The following TACC2 variants were observed in gnomAD, a reference collection of about 807,000 sequenced individuals.
TACC2 encodes transforming acidic coiled-coil-containing protein 2.
A neutral mutation model predicts 227.3 loss-of-function variants in TACC2; 137 were observed. That is an observed-to-expected ratio of 0.60 (90% confidence interval 0.52 to 0.69). The LOEUF is 0.69. Among genes scored for constraint, TACC2 ranks in the 30% least tolerant of loss-of-function variants. The pLI is 0.00. For missense variants in TACC2, 3,470 were observed against 3,694.4 expected (o/e 0.94, Z 1.57); for synonymous variants, 1,523 against 1,487.5 (o/e 1.02, Z -0.55).
At chr10:122,130,923 T>C (rs542707049) in intron 5 of TACC2, among the ~76,000 whole-genome samples, 18 of 152,226 alleles carry the variant, frequency 1.2e-4, no homozygotes, top group Admixed American at 2.6e-4. Flanking sequence ...ACAACCCCCA[T>C]TGTGGGCCAA....
intron 18 of TACC2, 24 bp from the exon 19 acceptor site, chr10:122,241,934 A>G: frequency 6.2e-7 from 1 of 1,612,466 alleles, no homozygotes; most frequent in Non-Finnish European, 8.5e-7. Context: ...TCATGACTCC[A>G]ACGTGTCTTT....
chr10:121,990,671 G>A (rs138016794), intron 1 of TACC2, among the ~76,000 whole-genome samples: 18 of 152,218 alleles, frequency 1.2e-4, no homozygotes, highest in African/African-American at 4.1e-4. Flanking sequence ...CTACCAGGCC[G>A]TCACTGCTTT....
chr10:122,180,593 G>A lies in TACC2; in HGVS notation c.5835-14447G>A, dbSNP rs1361008238. On this transcript the variant is annotated intron_variant, in intron 7 of 22. Transcript: ENST00000369005. The surrounding 1 kb of genome is among the most constrained non-coding windows in gnomAD (Gnocchi z 4.5). ...GACCTTGTGATCCACCTGCCTCGGC[G>A]TCCCGAAGTGCTGGGATTACAGGCA... Among the ~76,000 whole-genome samples, 6 of 151,894 alleles carry A rather than the reference G, an allele frequency of 4.0e-5. No homozygotes were observed. The highest frequency in any genetic ancestry group is 9.7e-5 in the African/African-American group (4 of 41,342).
At chr10:122,167,625 T>G (rs932097325) in intron 7 of TACC2, among the ~76,000 whole-genome samples, 25 of 152,302 alleles carry the variant, frequency 1.6e-4, no homozygotes, top group Non-Finnish European at 3.4e-4. Context: ...GTCCCTTCCC[T>G]TATGTGGTTC....
chr10:122,189,385 C>G (rs925405925), intron 7 of TACC2, among the ~76,000 whole-genome samples: 9 of 152,126 alleles, frequency 5.9e-5, no homozygotes, highest in Non-Finnish European at 1.2e-4. Flanking sequence ...GTCTCCCTCT[C>G]TCTTCAGGGA....
At chr10:122,222,891 G>A (rs1459409936) in intron 11 of TACC2, among the ~76,000 whole-genome samples, 1 of 152,174 alleles carries the variant, frequency 6.6e-6, no homozygotes, top group Non-Finnish European at 1.5e-5. Context: ...AGAAGAGGCA[G>A]CTGATTCACT....
At chr10:122,132,518 C>T (rs1386210312) in intron 5 of TACC2, 91 bp from the exon 6 acceptor site, 7 of 1,514,968 alleles carry the variant, frequency 4.6e-6, no homozygotes, top group Non-Finnish European at 6.4e-6. Flanking sequence ...CATTGCCCTC[C>T]AGCCTGGATA....
chr10:122,243,007 G>A (rs1340114016), intron 19 of TACC2, among the ~76,000 whole-genome samples: 1 of 152,102 alleles, frequency 6.6e-6, no homozygotes, highest in South Asian at 2.1e-4. Flanking sequence ...GCAGTGGCAC[G>A]ATCTTGGCTC....
chr10:122,163,986 A>C (rs1348152648), intron 7 of TACC2: 1 of 1,583,124 alleles, frequency 6.3e-7, no homozygotes, highest in Non-Finnish European at 8.6e-7. Context: ...GAGGCTTCCG[A>C]GGCAATGTAA....
intron 6 of TACC2, among the ~76,000 whole-genome samples, chr10:122,135,245 C>T (rs540329055): frequency 9.2e-5 from 14 of 152,264 alleles, no homozygotes; most frequent in South Asian, 6.2e-4. Context: ...CTCGAGATAC[C>T]GTGTCCTGGG....
intron 3 of TACC2, among the ~76,000 whole-genome samples, chr10:122,062,025 C>CTTTTTTTTTTTTTTTTT (rs140523380): frequency 1.6e-5 from 1 of 63,968 alleles, no homozygotes; most frequent in African/African-American, 6.3e-5. Context: ...GTCAGAGCGG[C>CTTTTTTTTTTTTTTTTT]TTTTTTTTTT....
chr10:122,232,611 T>A (rs2095779449), intron 16 of TACC2, among the ~76,000 whole-genome samples: 1 of 152,170 alleles, frequency 6.6e-6, no homozygotes, highest in Non-Finnish European at 1.5e-5. Flanking sequence ...ATAGGGAATA[T>A]TTTTCTCTAG....
intron 11 of TACC2, among the ~76,000 whole-genome samples, chr10:122,220,067 C>T (rs2095494480): frequency 6.6e-6 from 1 of 151,434 alleles, no homozygotes; most frequent in African/African-American, 2.4e-5. Flanking sequence ...AAGAAAGAAG[C>T]CAACTTGAGC....
At chr10:122,168,557 G>C (rs1479663759) in intron 7 of TACC2, among the ~76,000 whole-genome samples, 1 of 152,126 alleles carries the variant, frequency 6.6e-6, no homozygotes, top group East Asian at 1.9e-4. Context: ...CTCTTAGGTG[G>C]GCTGAAGGCA....
chr10:122,008,668 G>T (rs12250435), intron 1 of TACC2, among the ~76,000 whole-genome samples: 22,765 of 151,960 alleles, frequency 0.15, 2,073 homozygotes, highest in Admixed American at 0.24. Context: ...TGCCTCCCGG[G>T]TTCATGCGAT....
chr10:122,214,199 T>TGCCCAAGG (rs1195439167), intron 9 of TACC2, among the ~76,000 whole-genome samples: 1 of 152,194 alleles, frequency 6.6e-6, no homozygotes, highest in African/African-American at 2.4e-5. Flanking sequence ...GACTCTCTTC[T>TGCCCAAGG]GCCCAAGGGA....
chr10:122,019,486 A>C (rs1957077107), intron 1 of TACC2, among the ~76,000 whole-genome samples: 1 of 152,236 alleles, frequency 6.6e-6, no homozygotes, highest in South Asian at 2.1e-4. Context: ...TTCCTGGCGC[A>C]AGGCTCCTTG....
At position 122,195,310 on chromosome 10, in the gene TACC2, G is replaced by A. The variant is rs756229175; in HGVS notation, c.5971+134G>A. On this transcript the variant is annotated intron_variant, in intron 8 of 22. Transcript: ENST00000369005. ...CTCTTGGCTTTGAGTTGTGCTTGAC[G>A]TGGCTTTTGTAGTTTTCTTGAAAAT... The A allele has an allele frequency of 3.8e-5, 28 of 732,354 alleles. 1 individual carries two copies. In the Admixed American group the frequency reaches 5.0e-4, roughly 13 times the overall value. 45.4% of individuals were successfully genotyped at this position (732,354 alleles called of 1,614,324 possible).
rs1170842850 is a variant in TACC2, at chr10:122,150,025, G to A, written c.5834+6319G>A. Among the ~76,000 whole-genome samples the A allele has an allele frequency of 6.6e-6, 1 of 152,224 alleles. No homozygotes were observed. Among genetic ancestry groups the A allele is most frequent in the Non-Finnish European group, 1.5e-5 (1 of 68,042 alleles). ...GGAGTGGGTGCTGGGCTGTCCCGCT[G>A]GCTTCAGCCTGAGGAGCAGGAGCAG... On this transcript the variant is annotated intron_variant, in intron 7 of 22. Coordinates refer to ENST00000369005, the MANE Select transcript of TACC2 (RefSeq NM_206862.4). The surrounding 1 kb of genome is among the most constrained non-coding windows in gnomAD (Gnocchi z 4.0).
Sources: gnomAD v4.1 joint callset for allele counts (sites outside exome capture counted in the v4.1 genomes callset) on GRCh38, gnomAD v4.1.1 for gene constraint, Gnocchi (gnomAD v3.1) non-coding constraint, MANE v1.5 for transcripts, NCBI Gene and HGNC (gene_info 2026-07-23, HGNC 2026-07-21) for gene names.